Variants in CTNNA2 observed in about 807,000 individuals in gnomAD.
CTNNA2 encodes catenin alpha-2.
In CTNNA2, 42 loss-of-function variants were observed where a neutral mutation model predicts 101.0. The observed-to-expected ratio is 0.42, with a 90% CI of 0.32 to 0.54. CTNNA2 has a LOEUF of 0.54. Among genes scored for constraint, CTNNA2 ranks in the 20% least tolerant of loss-of-function variants. The pLI, the probability that CTNNA2 is intolerant of heterozygous loss-of-function variation, is 0.14. For synonymous variants in CTNNA2, 450 were observed against 456.4 expected (o/e 0.99, Z 0.18); for missense variants, 871 against 1,223.1 (o/e 0.71, Z 4.29).
intron 7 of CTNNA2, among the ~76,000 whole-genome samples, chr2:80,193,855 C>A (rs760864107): frequency 1.6e-4 from 24 of 152,116 alleles, no homozygotes; most frequent in Non-Finnish European, 3.5e-4. Flanking sequence ...CATGTCTGGC[C>A]ATGAGGACAG....
intron 9 of CTNNA2, among the ~76,000 whole-genome samples, chr2:80,493,534 C>T (rs1475020977): frequency 6.6e-6 from 1 of 152,186 alleles, no homozygotes; most frequent in Admixed American, 6.5e-5. Flanking sequence ...TGGACACTCA[C>T]TAGCAGAATT....
intron 12 of CTNNA2, among the ~76,000 whole-genome samples, chr2:80,568,341 C>T (rs1009122553): frequency 1.3e-5 from 2 of 152,168 alleles, no homozygotes; most frequent in Non-Finnish European, 2.9e-5. Flanking sequence ...CAAAGGAGTT[C>T]TTCATCTTAA....
intron 2 of CTNNA2, among the ~76,000 whole-genome samples, chr2:79,665,903 T>C (rs1226669607): frequency 6.6e-6 from 1 of 152,222 alleles, no homozygotes; most frequent in African/African-American, 2.4e-5. Context: ...GCTGTTATTG[T>C]AAATGTACTA....
At chr2:80,330,741 G>T (rs1671244049) in intron 7 of CTNNA2, among the ~76,000 whole-genome samples, 2 of 152,130 alleles carry the variant, frequency 1.3e-5, no homozygotes, top group Non-Finnish European at 2.9e-5. Flanking sequence ...CAAGAGTCTT[G>T]TTGTTCATTA....
At chr2:80,005,131 G>A (rs1234779229) in intron 7 of CTNNA2, among the ~76,000 whole-genome samples, 3 of 152,334 alleles carry the variant, frequency 2.0e-5, no homozygotes, top group Non-Finnish European at 4.4e-5. Flanking sequence ...AGGAAAGACT[G>A]AGAAGTGCTG....
chr2:80,625,850 A>G (rs1272156690), intron 18 of CTNNA2, among the ~76,000 whole-genome samples: 2 of 152,052 alleles, frequency 1.3e-5, no homozygotes, highest in Non-Finnish European at 2.9e-5. Flanking sequence ...ATTTGGGGCC[A>G]AAAATCAAGT....
chr2:80,630,602 A>G (rs10460512), intron 18 of CTNNA2, among the ~76,000 whole-genome samples: 81,954 of 151,998 alleles, frequency 0.54, 22,392 homozygotes, highest in East Asian at 0.63. Flanking sequence ...GCGCCGCTAC[A>G]CTCCAGCCTG....
At chr2:80,354,349 G>A (rs1283829418) in intron 7 of CTNNA2, among the ~76,000 whole-genome samples, 3 of 152,082 alleles carry the variant, frequency 2.0e-5, no homozygotes, top group Non-Finnish European at 4.4e-5. Context: ...TGATAAAGGT[G>A]CTTGATTTGA....
At chr2:79,206,666 C>T (rs548410995) in intron 2 of CTNNA2, among the ~76,000 whole-genome samples, 1 of 152,292 alleles carries the variant, frequency 6.6e-6, no homozygotes, top group South Asian at 2.1e-4. Flanking sequence ...AAGCTAGCTG[C>T]AATAATTAAA....
intron 7 of CTNNA2, among the ~76,000 whole-genome samples, chr2:79,925,957 C>T (rs931734974): frequency 2.0e-5 from 3 of 151,904 alleles, no homozygotes; most frequent in Non-Finnish European, 4.4e-5. Flanking sequence ...TTCGGCCAAT[C>T]TGTGATAATA....
At chr2:80,590,070 A>G (rs1696331943) in intron 15 of CTNNA2, among the ~76,000 whole-genome samples, 1 of 152,236 alleles carries the variant, frequency 6.6e-6, no homozygotes, top group African/African-American at 2.4e-5. Flanking sequence ...TATTTCCTTT[A>G]GCTCTGAGCT....
intron 7 of CTNNA2, among the ~76,000 whole-genome samples, chr2:80,329,931 C>T (rs1671169034): frequency 1.3e-5 from 2 of 152,338 alleles, no homozygotes; most frequent in East Asian, 3.9e-4. Context: ...CAAGCATGAC[C>T]TCCCACCTGT....
chr2:79,220,164 ATG>A (rs200743234), intron 2 of CTNNA2, among the ~76,000 whole-genome samples: 7 of 151,416 alleles, frequency 4.6e-5, no homozygotes, highest in East Asian at 2.0e-4. Flanking sequence ...ATATATATGT[ATG>A]TGTGTGTGTG....
At chr2:80,321,148 T>TA (rs1167745265) in intron 7 of CTNNA2, among the ~76,000 whole-genome samples, 1 of 152,110 alleles carries the variant, frequency 6.6e-6, no homozygotes, top group Admixed American at 6.6e-5. Flanking sequence ...CTGAAAGAAA[T>TA]GATATAAGAA....
chr2:80,553,203 G>A (rs1458544261), intron 11 of CTNNA2, among the ~76,000 whole-genome samples: 1 of 145,976 alleles, frequency 6.9e-6, no homozygotes, highest in East Asian at 2.0e-4. Context: ...CAGCCTGGGC[G>A]ACAGAGGGAG....
chr2:80,554,802 CT>C (rs1692882276), intron 11 of CTNNA2, among the ~76,000 whole-genome samples: 1 of 152,150 alleles, frequency 6.6e-6, no homozygotes, highest in Non-Finnish European at 1.5e-5. Flanking sequence ...ACAAAGAGCA[CT>C]AAACTTTTTG....
intron 3 of CTNNA2, among the ~76,000 whole-genome samples, chr2:79,354,266 T>C (rs762953774): frequency 6.6e-6 from 1 of 152,206 alleles, no homozygotes; most frequent in Non-Finnish European, 1.5e-5. Flanking sequence ...TCCTCAAATA[T>C]GTTTTCCAAC....
At chr2:80,525,079 TATGTGGTGATTAATTAA>T (rs1689916151) in intron 9 of CTNNA2, among the ~76,000 whole-genome samples, 1 of 152,000 alleles carries the variant, frequency 6.6e-6, no homozygotes, top group African/African-American at 2.4e-5. Flanking sequence ...TCCAGAAGCT[TATGTGGTGATTAATTAA>T]ATGTGGTGAG....
chr2:80,512,874 G>A (rs1688820038), intron 9 of CTNNA2, among the ~76,000 whole-genome samples: 1 of 151,790 alleles, frequency 6.6e-6, no homozygotes, highest in Admixed American at 6.6e-5. Flanking sequence ...GCCTTTTGGA[G>A]GGCCGTTGTA....
Sources: allele counts gnomAD v4.1 joint callset (sites outside exome capture counted in the v4.1 genomes callset), GRCh38; gene constraint gnomAD v4.1.1; transcripts MANE v1.5; gene names NCBI Gene and HGNC (gene_info 2026-07-23, HGNC 2026-07-21).